AQP3: variants seen among roughly 807,000 people sequenced by gnomAD.
The protein encoded by AQP3 is aquaporin 3 (Gill blood group).
AQP3 carries 15 observed loss-of-function variants against 30.3 expected under a neutral mutation model. The observed-to-expected ratio is 0.49, with a 90% CI of 0.33 to 0.76. AQP3 has a LOEUF of 0.76. Among genes scored for constraint, AQP3 ranks in the 30% least tolerant of loss-of-function variants. AQP3 has a pLI of 0.02. For missense variants in AQP3, 272 were observed against 384.8 expected, an observed-to-expected ratio of 0.71 and a Z score of 2.45; for synonymous variants, 153 against 163.2, an observed-to-expected ratio of 0.94 and a Z score of 0.47.
chr9:33,442,215 G>A lies in AQP3; in HGVS notation c.711-4C>T. 6.2e-7 allele frequency: 1 copy of A among 1,612,602 alleles called. No homozygotes were observed. Among genetic ancestry groups the A allele is most frequent in the Non-Finnish European group, 8.5e-7 (1 of 1,179,572 alleles). ...CCACCACCAATGCTGGCCGGTCCTG[G>A]GGGGACAGACACTCATAGTCAGGGA... is the stretch of plus-strand genomic sequence containing the variant. On this transcript the variant is annotated splice_polypyrimidine_tract_variant and splice_region_variant and intron_variant, in intron 5 of 5. Transcript: ENST00000297991.
chr9:33,443,706 A>G lies in AQP3; in HGVS notation c.235+60T>C, dbSNP rs756352800. ...GCTGTGACCTGCCCTTAGGAATGCC[A>G]GGACACCTAGTGGGAATGCTATTGA... On this transcript the variant is annotated intron_variant, in intron 2 of 5. Coordinates refer to ENST00000297991, the MANE Select transcript of AQP3 (RefSeq NM_004925.5). This position sits in a 1 kb window ranked among gnomAD's most constrained non-coding sequence, Gnocchi z 5.0. The G allele has an allele frequency of 6.2e-7, 1 of 1,611,404 alleles. No individual in the cohort carries two copies.
Position 33,442,447 on chromosome 9 carries a change from T to C in AQP3, c.564A>G (p.Arg188=). Residue 188 remains arginine (R), a synonymous_variant, in exon 5 of 6, where the codon CGA becomes CGG. Coordinates refer to ENST00000297991, the MANE Select transcript of AQP3 (RefSeq NM_004925.5). ...GGCCCACGGTGAAGGCCTCCAGGCCTCGGGGGACGGGGTTGTTGTAGGGGT... is the reference window on the plus strand; with the variant it reads ...GGCCCACGGTGAAGGCCTCCAGGCCCCGGGGGACGGGGTTGTTGTAGGGGT... ...IVDPYNNPVP[R]GLEAFTVGLV... is the part of the protein sequence containing the mutation. 6.2e-7 allele frequency: 1 copy of C among 1,611,942 alleles called. No homozygotes were observed. The highest frequency in any genetic ancestry group is 8.5e-7 in the Non-Finnish European group (1 of 1,179,440).
chr9:33,447,582 G>C lies in AQP3; in HGVS notation c.-52C>G. ...GCGGGCAGGGGTGGCGGGAGGCGGTGGCGCAGCGAGCAGCGGCCTCCAGCG... is the reference window on the plus strand; with the variant it reads ...GCGGGCAGGGGTGGCGGGAGGCGGTCGCGCAGCGAGCAGCGGCCTCCAGCG... On this transcript the variant is annotated 5_prime_UTR_variant, in exon 1 of 6. Transcript: ENST00000297991. The C allele has an allele frequency of 7.1e-7, 1 of 1,404,504 alleles. No homozygotes were observed. Among genetic ancestry groups the C allele is most frequent in the South Asian group, 1.3e-5 (1 of 78,554 alleles). The allele number at this position is 1,404,504 out of a possible 1,614,324, so 87.0% of individuals were successfully genotyped here.
chr9:33,441,578 G>A lies in AQP3; in HGVS notation c.*465C>T, dbSNP rs1025555281. ...TGCAGCTCCTCCATGTGAAGCCCCT[G>A]AAACATACACACCCTGGAACTTTCC... On this transcript the variant is annotated 3_prime_UTR_variant, in exon 6 of 6. Coordinates refer to ENST00000297991, the MANE Select transcript of AQP3 (RefSeq NM_004925.5). 8.4e-6 allele frequency: 2 copies of A among 238,000 alleles called. No homozygotes were observed. Among genetic ancestry groups the A allele is most frequent in the Non-Finnish European group, 8.1e-6 (1 of 123,278 alleles). The allele number at this position is 238,000 out of a possible 1,614,324, so 14.7% of individuals were successfully genotyped here.
At chr9:33,445,871 C>CT (rs1826906680) in intron 1 of AQP3, among the ~76,000 whole-genome samples, 2 of 152,334 alleles carry the variant, frequency 1.3e-5, no homozygotes, top group South Asian at 2.1e-4. Context: ...CCTGCCCCTC[C>CT]AGTTCATGCA....
In AQP3 at chr9:33,443,969, C is replaced by A; in HGVS notation, c.109-77G>T. On this transcript the variant is annotated intron_variant, in intron 1 of 5. Coordinates refer to ENST00000297991, the MANE Select transcript of AQP3 (RefSeq NM_004925.5). This position sits in a 1 kb window ranked among gnomAD's most constrained non-coding sequence, Gnocchi z 5.0. ...CAGAAGGAAGGGGTGAAGCCAGCAA[C>A]ATGCCCACTCGCCACCACTGGGAGG... The A allele has an allele frequency of 6.5e-7, 1 of 1,549,354 alleles. No homozygotes were observed. The highest frequency in any genetic ancestry group is 1.7e-5 in the Admixed American group (1 of 57,360).
chr9:33,444,027 C>G, intron 1 of AQP3, 135 bp from the exon 2 acceptor site: 2 of 1,155,566 alleles, frequency 1.7e-6, no homozygotes, highest in South Asian at 3.1e-5. Flanking sequence ...CAGCCCAAAC[C>G]CCTTCTGCTG....
Position 33,442,372 on chromosome 9 carries a change from G to C in AQP3, c.639C>G (p.Ala213=). Reference sequence around the variant, plus strand: ...GGCCAAAGTCCCGGGCAGGGTTGACGGCATAGCCGGAGTTGAAGCCCATGG... The same window carrying C: ...GGCCAAAGTCCCGGGCAGGGTTGACCGCATAGCCGGAGTTGAAGCCCATGG... The part of the protein sequence containing the change: ...GTSMGFNSGY[A]VNPARDFGPR... The change falls in exon 5 of 6, where the codon GCC becomes GCG. Residue 213 remains alanine, a synonymous_variant. Transcript: ENST00000297991. 6.2e-7 allele frequency: 1 copy of C among 1,611,852 alleles called. No individual in the cohort carries two copies.
In AQP3 at chr9:33,443,895, G is replaced by T. The variant is rs770697131; in HGVS notation, c.109-3C>A. 8.7e-6 allele frequency: 14 copies of T among 1,613,318 alleles called. No individual in the cohort carries two copies. In the Admixed American group the frequency reaches 2.2e-4, roughly 25 times the overall value. On this transcript the variant is annotated splice_polypyrimidine_tract_variant and splice_region_variant and intron_variant, in intron 1 of 5. Transcript: ENST00000297991. The surrounding 1 kb of genome is among the most constrained non-coding windows in gnomAD (Gnocchi z 5.0). ...GCCACGGAGCCACAGCCAAACATCTGTCAGGAAGAAGAACAGGCAGGGAGG... is the reference window on the plus strand; with the variant it reads ...GCCACGGAGCCACAGCCAAACATCTTTCAGGAAGAAGAACAGGCAGGGAGG...
chr9:33,443,728 T>C lies in AQP3; in HGVS notation c.235+38A>G, dbSNP rs368389462. On this transcript the variant is annotated intron_variant, in intron 2 of 5. Transcript: ENST00000297991. This position sits in a 1 kb window ranked among gnomAD's most constrained non-coding sequence, Gnocchi z 5.0. ...GCCAGGACACCTAGTGGGAATGCTA[T>C]TGAGGGCCAAGGGCTGGGGGCAGGG... 83 of 1,613,280 alleles carry C rather than the reference T, an allele frequency of 5.1e-5. No individual in the cohort carries two copies. The African/African-American group carries it at 9.5e-4, about 18-fold the overall frequency.
rs781435493 is a variant in AQP3 at position 33,441,993 on chromosome 9, G to A, written c.*50C>T. On this transcript the variant is annotated 3_prime_UTR_variant, in exon 6 of 6. Coordinates refer to ENST00000297991, the MANE Select transcript of AQP3 (RefSeq NM_004925.5). ...CTTGGGAGTGGCCCTTGGACAGTCA[G>A]TGGATGCTCAAGGCCAGGGCAGCGG... is the stretch of plus-strand genomic sequence containing the variant. The A allele has an allele frequency of 7.5e-6, 12 of 1,601,144 alleles. No homozygotes were observed. Among genetic ancestry groups the A allele is most frequent in the Non-Finnish European group, 1.0e-5 (12 of 1,172,474 alleles).
chr9:33,446,401 C>G (rs951821028), intron 1 of AQP3, among the ~76,000 whole-genome samples: 1 of 152,204 alleles, frequency 6.6e-6, no homozygotes, highest in African/African-American at 2.4e-5. Context: ...TCCTAGTCCA[C>G]AGTGGGCCAG....
At chr9:33,445,151 C>A (rs778546972) in intron 1 of AQP3, among the ~76,000 whole-genome samples, 3 of 152,112 alleles carry the variant, frequency 2.0e-5, no homozygotes, top group Non-Finnish European at 4.4e-5. Flanking sequence ...AGAAAAAGAA[C>A]GTACTATGTC....
intron 1 of AQP3, among the ~76,000 whole-genome samples, chr9:33,446,625 C>CA: frequency 6.6e-6 from 1 of 152,212 alleles, no homozygotes; most frequent in East Asian, 1.9e-4. Flanking sequence ...CTGGTGTGAC[C>CA]AAGGAGTAAC....
chr9:33,445,458 G>A (rs1228988485), intron 1 of AQP3, among the ~76,000 whole-genome samples: 1 of 152,218 alleles, frequency 6.6e-6, no homozygotes, highest in Non-Finnish European at 1.5e-5. Context: ...TGGGGCAAAG[G>A]TGTGCAGGCA....
At position 33,443,266 on chromosome 9, in the gene AQP3, G is replaced by A. The variant is rs1826866859; in HGVS notation, c.373+55C>T. 1.3e-6 allele frequency: 2 copies of A among 1,555,350 alleles called. No homozygotes were observed. Among genetic ancestry groups the A allele is most frequent in the South Asian group, 1.2e-5 (1 of 84,302 alleles). On this transcript the variant is annotated intron_variant, in intron 3 of 5. Coordinates refer to ENST00000297991, the MANE Select transcript of AQP3 (RefSeq NM_004925.5). The surrounding 1 kb of genome is among the most constrained non-coding windows in gnomAD (Gnocchi z 5.0). ...GTCATCAAAAGGCCTGGTGCCAGCA[G>A]GTCCTGAACAGAGGGACGGGGGTAG...
At chr9:33,446,758 G>A (rs569999488) in intron 1 of AQP3, among the ~76,000 whole-genome samples, 1 of 152,272 alleles carries the variant, frequency 6.6e-6, no homozygotes, top group East Asian at 1.9e-4. Context: ...GCATCTGTCT[G>A]GATAACAGAC....
chr9:33,442,610 C>A, intron 4 of AQP3, 92 bp from the exon 5 acceptor site: 1 of 1,336,910 alleles, frequency 7.5e-7, no homozygotes, highest in Non-Finnish European at 1.0e-6. Flanking sequence ...CTCTTAAACT[C>A]TTGTCAGCGC....
rs750404961 is a variant in AQP3 at position 33,442,423 on chromosome 9, G to A, written c.588C>T (p.Gly196=). Residue 196 remains glycine (G), a synonymous_variant, in exon 5 of 6, where the codon GGC becomes GGT. Coordinates refer to ENST00000297991, the MANE Select transcript of AQP3 (RefSeq NM_004925.5). ...AGGTGCCAATGACCAGGACCACCAG[G>A]CCCACGGTGAAGGCCTCCAGGCCTC... ...VPRGLEAFTV[G]LVVLVIGTSM... is the part of the protein sequence containing the mutation. 6.2e-7 allele frequency: 1 copy of A among 1,611,946 alleles called. No homozygotes were observed. Among genetic ancestry groups the A allele is most frequent in the Non-Finnish European group, 8.5e-7 (1 of 1,179,412 alleles).
Sources: gnomAD v4.1 joint callset for allele counts (sites outside exome capture counted in the v4.1 genomes callset) on GRCh38, gnomAD v4.1.1 for gene constraint, Gnocchi (gnomAD v3.1) non-coding constraint, MANE v1.5 for transcripts, NCBI Gene and HGNC (gene_info 2026-07-23, HGNC 2026-07-21) for gene names.